CLMN: variants seen among roughly 807,000 people sequenced by gnomAD.
CLMN encodes calmin.
CLMN carries 57 observed loss-of-function variants against 92.7 expected under a neutral mutation model. The observed-to-expected ratio is 0.61, with a 90% CI of 0.50 to 0.77. CLMN has a LOEUF of 0.77. Ranked by LOEUF, CLMN falls within the 30% of genes least tolerant of loss-of-function variation. The pLI is 0.00. For synonymous variants in CLMN, 466 were observed against 470.6 expected (o/e 0.99, Z 0.13); for missense variants, 1,158 against 1,237.5 (o/e 0.94, Z 0.96).
chr14:95,270,785 AT>A (rs1343632605), intron 1 of CLMN, among the ~76,000 whole-genome samples: 1 of 151,918 alleles, frequency 6.6e-6, no homozygotes, highest in East Asian at 1.9e-4. Flanking sequence ...ATTTGCATTC[AT>A]TTTTTTTACA....
At chr14:95,246,263 A>AC (rs1376688856) in intron 1 of CLMN, among the ~76,000 whole-genome samples, 1 of 152,116 alleles carries the variant, frequency 6.6e-6, no homozygotes, top group Non-Finnish European at 1.5e-5. Context: ...GAAACTAGGG[A>AC]CAGCCCCTAT....
intron 1 of CLMN, among the ~76,000 whole-genome samples, chr14:95,315,807 G>A (rs1306016857): frequency 6.6e-6 from 1 of 152,214 alleles, no homozygotes; most frequent in African/African-American, 2.4e-5. Flanking sequence ...GCTACAGTCT[G>A]GCTGGGTGCC....
intron 9 of CLMN, among the ~76,000 whole-genome samples, chr14:95,201,556 C>CT (rs963071522): frequency 6.8e-6 from 1 of 146,024 alleles, no homozygotes; most frequent in East Asian, 2.0e-4. Context: ...CCTTTATTGG[C>CT]TTTTTTTTCC....
At chr14:95,301,198 CAA>C (rs1901038624) in intron 1 of CLMN, among the ~76,000 whole-genome samples, 2 of 152,214 alleles carry the variant, frequency 1.3e-5, no homozygotes, top group Non-Finnish European at 2.9e-5. Context: ...AGCTGCACAT[CAA>C]AGAGTCTTTT....
chr14:95,208,006 A>C (rs149010435), intron 8 of CLMN, among the ~76,000 whole-genome samples: 66 of 152,316 alleles, frequency 4.3e-4, no homozygotes, highest in Non-Finnish European at 7.6e-4. Flanking sequence ...ATTTTCGTTT[A>C]TAAAAGAGGA....
Position 95,221,691 on chromosome 14 carries a change from A to G in CLMN, c.324T>C (p.Asn108=). ...AGCAGGATGAGCTTCAAACACTTACATTGCTATCTTCCAAAAACTTAAGTG... is the reference window on the plus strand; with the variant it reads ...AGCAGGATGAGCTTCAAACACTTACGTTGCTATCTTCCAAAAACTTAAGTG... The part of the protein sequence containing the change: ...AKALKFLEDS[N]VKLVSIDAAE... The change falls in exon 4 of 13, where the codon AAT becomes AAC. Residue 108 remains asparagine (N), a splice_region_variant and synonymous_variant. Transcript: ENST00000298912. The G allele has an allele frequency of 1.2e-6, 2 of 1,613,138 alleles. No individual in the cohort carries two copies. The highest frequency in any genetic ancestry group is 1.3e-5 in the African/African-American group (1 of 75,010).
intron 1 of CLMN, among the ~76,000 whole-genome samples, chr14:95,237,959 G>C (rs775312407): frequency 6.6e-6 from 1 of 152,278 alleles, no homozygotes; most frequent in Non-Finnish European, 1.5e-5. Flanking sequence ...CCATCAGCTT[G>C]AGCGAGCCCC....
intron 1 of CLMN, among the ~76,000 whole-genome samples, chr14:95,286,241 G>C (rs1317020646): frequency 6.6e-6 from 1 of 152,160 alleles, no homozygotes; most frequent in Non-Finnish European, 1.5e-5. Flanking sequence ...GTAAGTCCTA[G>C]ACAATGAGGT....
At chr14:95,211,402 C>A (rs549315458) in intron 6 of CLMN, among the ~76,000 whole-genome samples, 2 of 152,268 alleles carry the variant, frequency 1.3e-5, no homozygotes, top group East Asian at 3.9e-4. Flanking sequence ...ACCTAATATA[C>A]AACGTTGGGA....
chr14:95,305,062 G>A (rs1287487939), intron 1 of CLMN, among the ~76,000 whole-genome samples: 3 of 152,190 alleles, frequency 2.0e-5, no homozygotes, highest in South Asian at 2.1e-4. Flanking sequence ...CCTCTAACAC[G>A]AAAGCTTCAG....
At chr14:95,249,178 A>C (rs1422424775) in intron 1 of CLMN, among the ~76,000 whole-genome samples, 1 of 152,182 alleles carries the variant, frequency 6.6e-6, no homozygotes, top group Non-Finnish European at 1.5e-5. Context: ...TGCACCAGTA[A>C]GGTATGCTGC....
chr14:95,258,180 G>C (rs1275961693), intron 1 of CLMN, among the ~76,000 whole-genome samples: 1 of 151,954 alleles, frequency 6.6e-6, no homozygotes, highest in Non-Finnish European at 1.5e-5. Context: ...TGTGGGGTGT[G>C]TGTATATGTA....
At chr14:95,319,350 C>T (rs1356462027) in intron 1 of CLMN, among the ~76,000 whole-genome samples, 1 of 151,384 alleles carries the variant, frequency 6.6e-6, no homozygotes, top group Non-Finnish European at 1.5e-5. Context: ...CAGAGTCGCA[C>T]TGTCTCCTCC....
intron 1 of CLMN, among the ~76,000 whole-genome samples, chr14:95,249,467 G>C (rs1354263951): frequency 6.6e-6 from 1 of 152,158 alleles, no homozygotes; most frequent in Admixed American, 6.5e-5. Flanking sequence ...CTGTGTATTG[G>C]AAAAGGGTAT....
At chr14:95,303,752 ACCAGCCTCCCATCTGGCTGTTTG>A (rs1223325327) in intron 1 of CLMN, among the ~76,000 whole-genome samples, 3 of 152,324 alleles carry the variant, frequency 2.0e-5, no homozygotes, top group Non-Finnish European at 2.9e-5. Context: ...GCACCCATTT[ACCAGCCTCCCATCTGGCTGTTTG>A]CCAGCCTCCC....
At chr14:95,204,517 A>AC in intron 8 of CLMN, 54 bp from the exon 9 acceptor site, 1 of 1,459,968 alleles carries the variant, frequency 6.8e-7, no homozygotes, top group South Asian at 1.4e-5. Flanking sequence ...AACAACAACA[A>AC]AAAAAAGCAC....
At chr14:95,195,011 T>C (rs1016187933) in intron 10 of CLMN, among the ~76,000 whole-genome samples, 1 of 152,160 alleles carries the variant, frequency 6.6e-6, no homozygotes, top group African/African-American at 2.4e-5. Context: ...AGGTCCAAAA[T>C]GTACAAGTGG....
At chr14:95,200,838 A>C (rs1365168318) in intron 9 of CLMN, among the ~76,000 whole-genome samples, 1 of 152,054 alleles carries the variant, frequency 6.6e-6, no homozygotes, top group African/African-American at 2.4e-5. Flanking sequence ...AAAAAATCAA[A>C]ACTGGAGTCA....
intron 1 of CLMN, among the ~76,000 whole-genome samples, chr14:95,264,142 C>T (rs1467726856): frequency 6.6e-6 from 1 of 152,064 alleles, no homozygotes. Flanking sequence ...TGGGTTCCAG[C>T]GATCCTCCCA....
Sources: allele counts gnomAD v4.1 joint callset (sites outside exome capture counted in the v4.1 genomes callset), GRCh38; gene constraint gnomAD v4.1.1; transcripts MANE v1.5; gene names NCBI Gene and HGNC (gene_info 2026-07-23, HGNC 2026-07-21).